Variants in BEND6 observed in about 807,000 individuals in gnomAD.
BEND6 encodes the protein BEN domain-containing protein 6.
BEND6 carries 24 observed loss-of-function variants against 31.8 expected under a neutral mutation model. The ratio of observed to expected loss-of-function variants is 0.75; its 90% confidence interval spans 0.55 to 1.06. The LOEUF is 1.06. Among genes scored for constraint, BEND6 ranks in the 50% least tolerant of loss-of-function variants. BEND6 has a pLI of 0.00. For missense variants in BEND6, 294 were observed against 327.4 expected (o/e 0.90, Z 0.79); for synonymous variants, 109 against 114.6 (o/e 0.95, Z 0.31).
chr6:56,972,096 T>C (rs1825711930), intron 1 of BEND6, among the ~76,000 whole-genome samples: 1 of 136,776 alleles, frequency 7.3e-6, no homozygotes, highest in South Asian at 2.6e-4. Flanking sequence ...CTTTTTTTTT[T>C]TTTTTTTTTT....
At chr6:56,990,882 C>T (rs1264391866) in intron 2 of BEND6, among the ~76,000 whole-genome samples, 1 of 152,196 alleles carries the variant, frequency 6.6e-6, no homozygotes. Flanking sequence ...TTACTGGATG[C>T]ATGACCTTTA....
chr6:56,970,341 C>T (rs373528470), intron 1 of BEND6, among the ~76,000 whole-genome samples: 8 of 152,158 alleles, frequency 5.3e-5, no homozygotes, highest in Non-Finnish European at 8.8e-5. Context: ...ATTACAGGCA[C>T]GTGCCACCAT....
chr6:56,966,848 A>G (rs1404911631), intron 1 of BEND6, among the ~76,000 whole-genome samples: 1 of 152,232 alleles, frequency 6.6e-6, no homozygotes, highest in Non-Finnish European at 1.5e-5. Flanking sequence ...AGCCAGTGAT[A>G]CCAGCAATAC....
chr6:56,993,730 C>G (rs1826596706), intron 3 of BEND6, among the ~76,000 whole-genome samples: 1 of 152,194 alleles, frequency 6.6e-6, no homozygotes, highest in Non-Finnish European at 1.5e-5. Flanking sequence ...CAGGGTCTTG[C>G]TCTGTTGCCC....
At chr6:56,988,755 G>A (rs904958978) in intron 2 of BEND6, among the ~76,000 whole-genome samples, 22 of 152,072 alleles carry the variant, frequency 1.4e-4, no homozygotes, top group African/African-American at 4.3e-4. Flanking sequence ...TAGGCTGGGC[G>A]TGGTGGCTCA....
intron 1 of BEND6, among the ~76,000 whole-genome samples, chr6:56,979,110 C>T (rs1825983492): frequency 6.6e-6 from 1 of 152,142 alleles, no homozygotes; most frequent in South Asian, 2.1e-4. Flanking sequence ...TTTCAGATCT[C>T]AATGCAAATA....
chr6:56,990,528 T>A (rs1826456081), intron 2 of BEND6, among the ~76,000 whole-genome samples: 1 of 152,156 alleles, frequency 6.6e-6, no homozygotes, highest in African/African-American at 2.4e-5. Context: ...ATTACAGGCA[T>A]GAGCCACCAT....
intron 1 of BEND6, among the ~76,000 whole-genome samples, chr6:56,962,147 C>T (rs1332078777): frequency 1.3e-5 from 2 of 152,172 alleles, no homozygotes; most frequent in East Asian, 3.9e-4. Context: ...TCATCTTCCA[C>T]CATGTGATGA....
At chr6:57,005,911 T>C (rs922127608) in intron 3 of BEND6, among the ~76,000 whole-genome samples, 4 of 152,200 alleles carry the variant, frequency 2.6e-5, no homozygotes, top group Admixed American at 2.6e-4. Flanking sequence ...CTGTCAATAT[T>C]TAGTCATATC....
chr6:56,972,956 C>T (rs765222634), intron 1 of BEND6, among the ~76,000 whole-genome samples: 12 of 152,162 alleles, frequency 7.9e-5, no homozygotes, highest in Non-Finnish European at 1.3e-4. Context: ...ATAAGATAGA[C>T]ATTTCTCTCT....
rs1309606467 is a variant in BEND6, at chr6:57,027,057, A to G, written c.*985A>G. The G allele has an allele frequency of 7.2e-5, 11 of 152,260 alleles. No homozygotes were observed. The allele number at this position is 152,260 out of a possible 1,614,324, so 9.4% of individuals were successfully genotyped here. A position where few individuals can be genotyped will look rare whatever the true frequency, so the allele number is the denominator to read the frequency against. ...TGAAAGTACCATTTTGTAACTCAAC[A>G]AAAGATAAAACATTCTTCATCAAAA... On this transcript the variant is annotated 3_prime_UTR_variant, in exon 7 of 7. Coordinates refer to ENST00000370746, the MANE Select transcript of BEND6 (RefSeq NM_152731.3).
chr6:56,978,126 A>T (rs1031872167), intron 1 of BEND6, among the ~76,000 whole-genome samples: 1 of 151,532 alleles, frequency 6.6e-6, no homozygotes, highest in African/African-American at 2.4e-5. Context: ...AAAAAAAAAA[A>T]CTAAAAATTA....
chr6:56,968,321 T>C (rs1449409841), intron 1 of BEND6, among the ~76,000 whole-genome samples: 4 of 121,862 alleles, frequency 3.3e-5, no homozygotes, highest in Admixed American at 8.1e-5. Flanking sequence ...TCTTTTTTTT[T>C]TTTTTTTTTT....
intron 3 of BEND6, among the ~76,000 whole-genome samples, chr6:56,997,150 G>A (rs577255567): frequency 5.3e-5 from 8 of 152,058 alleles, no homozygotes; most frequent in East Asian, 1.9e-4. Context: ...CTTTCCCTCC[G>A]AAGACATCAG....
intron 1 of BEND6, among the ~76,000 whole-genome samples, chr6:56,966,679 G>A (rs189689007): frequency 1.3e-5 from 2 of 152,278 alleles, no homozygotes; most frequent in Admixed American, 6.5e-5. Context: ...TATTACCTCT[G>A]TGCTATAGTC....
chr6:56,965,769 TATA>T (rs1425757253), intron 1 of BEND6, among the ~76,000 whole-genome samples: 16 of 151,114 alleles, frequency 1.1e-4, no homozygotes, highest in Admixed American at 1.1e-3. Flanking sequence ...CTTTTCATAT[TATA>T]ATTGATTAGA....
chr6:56,993,631 A>C (rs965127091), intron 3 of BEND6, among the ~76,000 whole-genome samples: 1 of 152,256 alleles, frequency 6.6e-6, no homozygotes, highest in Non-Finnish European at 1.5e-5. Flanking sequence ...AGAAATAGCC[A>C]CATGTAAGTA....
chr6:57,023,027 T>A (rs1221123915), intron 6 of BEND6, among the ~76,000 whole-genome samples: 1 of 152,200 alleles, frequency 6.6e-6, no homozygotes, highest in African/African-American at 2.4e-5. Context: ...TATTGAGACT[T>A]GTTTTGTGGC....
intron 3 of BEND6, chr6:57,008,742 T>A (rs1827249808): frequency 6.5e-6 from 1 of 152,688 alleles, no homozygotes; most frequent in African/African-American, 2.4e-5. Flanking sequence ...GTATGGCTAT[T>A]ATCAAAAAGA....
Sources: gnomAD v4.1 joint callset for allele counts (sites outside exome capture counted in the v4.1 genomes callset) on GRCh38, gnomAD v4.1.1 for gene constraint, MANE v1.5 for transcripts, NCBI Gene and HGNC (gene_info 2026-07-23, HGNC 2026-07-21) for gene names.